DENND5B: variants seen among roughly 807,000 people sequenced by gnomAD.
DENND5B encodes DENN domain containing 5B, also known as DENN domain-containing protein 5B.
Under a neutral mutation model 140.6 loss-of-function variants are expected in DENND5B, and 34 were observed. The observed-to-expected ratio is 0.24, with a 90% confidence interval of 0.18 to 0.32. DENND5B has a LOEUF of 0.32. DENND5B is among the 10% of genes least tolerant of loss of function. DENND5B has a pLI of 1.00. For synonymous variants in DENND5B, 551 were observed against 562.1 expected, an observed-to-expected ratio of 0.98 and a Z score of 0.28; for missense variants, 1,142 against 1,560.2, an observed-to-expected ratio of 0.73 and a Z score of 4.52.
intron 1 of DENND5B, among the ~76,000 whole-genome samples, chr12:31,496,633 G>A (rs772751876): frequency 1.6e-4 from 25 of 152,138 alleles, no homozygotes; most frequent in Non-Finnish European, 3.2e-4. Context: ...GGAGGCTGAG[G>A]TAGGAGGATT....
At chr12:31,472,859 G>C (rs886228238) in intron 3 of DENND5B, among the ~76,000 whole-genome samples, 1 of 151,956 alleles carries the variant, frequency 6.6e-6, no homozygotes, top group African/African-American at 2.4e-5. Flanking sequence ...CACAGGAGTG[G>C]GTCAAATAAT....
intron 1 of DENND5B, among the ~76,000 whole-genome samples, chr12:31,527,350 A>C (rs1442692394): frequency 1.3e-5 from 2 of 152,158 alleles, no homozygotes; most frequent in Non-Finnish European, 2.9e-5. Context: ...AGCAAGACAA[A>C]AGCAATATAA....
intron 13 of DENND5B, among the ~76,000 whole-genome samples, chr12:31,411,675 G>A (rs918389716): frequency 2.0e-5 from 3 of 151,934 alleles, no homozygotes; most frequent in African/African-American, 7.3e-5. Flanking sequence ...AAAAAACCAC[G>A]CCAGTTTTAA....
chr12:31,470,447 A>G (rs141390579), intron 3 of DENND5B, among the ~76,000 whole-genome samples: 3,009 of 151,022 alleles, frequency 0.02, 102 homozygotes, highest in African/African-American at 0.07. Flanking sequence ...ACGGGGTTTC[A>G]CCATGTTACC....
chr12:31,415,516 CTTT>C, intron 11 of DENND5B, 68 bp from the exon 12 acceptor site: 6 of 1,267,688 alleles, frequency 4.7e-6, no homozygotes, highest in Non-Finnish European at 6.6e-6. Context: ...ATATTAAATA[CTTT>C]GAAACTGCTT....
At chr12:31,576,156 A>AG (rs1555176282) in intron 1 of DENND5B, among the ~76,000 whole-genome samples, 21 of 131,166 alleles carry the variant, frequency 1.6e-4, no homozygotes, top group Non-Finnish European at 1.9e-4. Context: ...AAAAAAAAAA[A>AG]AAGAAGAATG....
At chr12:31,408,066 C>T (rs560770631) in intron 14 of DENND5B, among the ~76,000 whole-genome samples, 7 of 152,116 alleles carry the variant, frequency 4.6e-5, no homozygotes, top group East Asian at 3.8e-4. Flanking sequence ...GAGGTTGAGG[C>T]GGATGGATCA....
intron 1 of DENND5B, among the ~76,000 whole-genome samples, chr12:31,584,959 G>A (rs565721173): frequency 1.3e-5 from 2 of 152,140 alleles, no homozygotes; most frequent in African/African-American, 4.8e-5. Context: ...ATGGCAGAAG[G>A]CTAGCCAATT....
chr12:31,455,944 A>C (rs1296396655), intron 4 of DENND5B, among the ~76,000 whole-genome samples: 1 of 152,184 alleles, frequency 6.6e-6, no homozygotes, highest in African/African-American at 2.4e-5. Context: ...ACTTGAACCC[A>C]GGAGGCAGAG....
intron 11 of DENND5B, among the ~76,000 whole-genome samples, chr12:31,421,653 G>GA: frequency 6.6e-6 from 1 of 152,086 alleles, no homozygotes; most frequent in East Asian, 1.9e-4. Flanking sequence ...AGGTTCAAGC[G>GA]ATTCTCCTGA....
At chr12:31,394,966 G>A (rs1208368580) in intron 17 of DENND5B, among the ~76,000 whole-genome samples, 1 of 151,924 alleles carries the variant, frequency 6.6e-6, no homozygotes, top group African/African-American at 2.4e-5. Flanking sequence ...GGCAACCAAT[G>A]ATCTACTTTC....
At chr12:31,506,713 T>C (rs1947217689) in intron 1 of DENND5B, among the ~76,000 whole-genome samples, 2 of 152,190 alleles carry the variant, frequency 1.3e-5, no homozygotes, top group Admixed American at 1.3e-4. Context: ...GAAAGTGATG[T>C]ATTTACAATT....
intron 11 of DENND5B, among the ~76,000 whole-genome samples, chr12:31,416,305 C>T (rs1406330313): frequency 6.6e-6 from 1 of 151,684 alleles, no homozygotes; most frequent in East Asian, 1.9e-4. Flanking sequence ...TGCTCTGTTG[C>T]CAGGCTGAAG....
At chr12:31,537,925 CAAG>C (rs1337408137) in intron 1 of DENND5B, among the ~76,000 whole-genome samples, 1 of 152,076 alleles carries the variant, frequency 6.6e-6, no homozygotes, top group Admixed American at 6.5e-5. Flanking sequence ...GGCAATTCAG[CAAG>C]AAGATGTAAC....
At chr12:31,542,535 T>A (rs1948715832) in intron 1 of DENND5B, among the ~76,000 whole-genome samples, 1 of 152,194 alleles carries the variant, frequency 6.6e-6, no homozygotes, top group South Asian at 2.1e-4. Context: ...ACACAAATGA[T>A]AAATGCTTGA....
chr12:31,479,021 A>AC (rs1555159325), intron 3 of DENND5B, among the ~76,000 whole-genome samples: 1 of 152,130 alleles, frequency 6.6e-6, no homozygotes, highest in African/African-American at 2.4e-5. Flanking sequence ...ACACACACAC[A>AC]ACTCTGGCAG....
intron 8 of DENND5B, among the ~76,000 whole-genome samples, chr12:31,427,056 C>G (rs893827711): frequency 2.0e-5 from 3 of 152,168 alleles, no homozygotes; most frequent in Non-Finnish European, 4.4e-5. Context: ...TAGGATCACT[C>G]TGAAAAGCAC....
chr12:31,534,218 G>A (rs1201787155), intron 1 of DENND5B, among the ~76,000 whole-genome samples: 1 of 151,898 alleles, frequency 6.6e-6, no homozygotes, highest in Non-Finnish European at 1.5e-5. Flanking sequence ...GGAGTGCAGT[G>A]GTGCGATCTC....
At chr12:31,398,914 G>A (rs1426453579) in intron 16 of DENND5B, among the ~76,000 whole-genome samples, 1 of 151,742 alleles carries the variant, frequency 6.6e-6, no homozygotes, top group East Asian at 1.9e-4. Flanking sequence ...TTGAGGTTAG[G>A]AGTTTGAGAC....
Sources: allele counts gnomAD v4.1 joint callset (sites outside exome capture counted in the v4.1 genomes callset), GRCh38; gene constraint gnomAD v4.1.1; transcripts MANE v1.5; gene names NCBI Gene and HGNC (gene_info 2026-07-23, HGNC 2026-07-21).